The following RAD52 variants were observed in gnomAD, a reference collection of about 807,000 sequenced individuals.
RAD52 encodes the protein RAD52 DNA repair protein.
RAD52 carries 47 observed loss-of-function variants against 55.5 expected under a neutral mutation model. That is an observed-to-expected ratio of 0.85 (90% confidence interval 0.67 to 1.08). RAD52 has a LOEUF of 1.08. Among genes scored for constraint, RAD52 ranks in the 50% least tolerant of loss-of-function variants. RAD52 has a pLI of 0.00. For synonymous variants in RAD52, 184 were observed against 198.9 expected, an observed-to-expected ratio of 0.92 and a Z score of 0.63; for missense variants, 468 against 522.8, an observed-to-expected ratio of 0.90 and a Z score of 1.02.
intron 1 of RAD52, among the ~76,000 whole-genome samples, chr12:938,367 G>C (rs1483593911): frequency 1.3e-5 from 2 of 152,144 alleles, no homozygotes; most frequent in African/African-American, 2.4e-5. Flanking sequence ...AAATAGAATG[G>C]CTGGTGAACT....
In RAD52 at chr12:956,927, T is replaced by C. The variant is rs115158587; in HGVS notation, c.-18-23851A>G. On this transcript the variant is annotated intron_variant, in intron 1 of 11. Transcript: ENST00000430095. ...GAAGATTAGATGAGTTATAAGATTATAGTTATTAGATGAGATATAAAGCAC... is the reference window on the plus strand; with the variant it reads ...GAAGATTAGATGAGTTATAAGATTACAGTTATTAGATGAGATATAAAGCAC... Among the ~76,000 whole-genome samples the C allele has an allele frequency of 6.7e-3, 1,020 of 152,320 alleles. 7 individuals carry two copies. Among genetic ancestry groups the C allele is most frequent in the African/African-American group, 0.023 (970 of 41,576 alleles).
upstream of RAD52, among the ~76,000 whole-genome samples, chr12:950,394 A>G (rs1217567211): frequency 6.6e-6 from 1 of 151,544 alleles, no homozygotes; most frequent in Non-Finnish European, 1.5e-5. Context: ...ACATGGCGAA[A>G]CCCTGTCTCT....
chr12:945,564 G>A (rs1958171799), intron 1 of RAD52, among the ~76,000 whole-genome samples: 1 of 151,044 alleles, frequency 6.6e-6, no homozygotes, highest in Admixed American at 6.6e-5. Flanking sequence ...CTCCTGAGTA[G>A]CTGGAACTAC....
intron 5 of RAD52, among the ~76,000 whole-genome samples, chr12:929,177 C>T (rs1957197652): frequency 6.6e-6 from 1 of 152,016 alleles, no homozygotes; most frequent in Non-Finnish European, 1.5e-5. Flanking sequence ...AACTTTCAAC[C>T]ATAAATATGT....
intron 7 of RAD52, 123 bp from the exon 8 acceptor site, chr12:916,943 T>C: frequency 7.5e-7 from 1 of 1,335,494 alleles, no homozygotes. Context: ...TCACGCCTTC[T>C]AGGTCCTGTA....
chr12:919,741 ACT>A (rs1234161944), intron 7 of RAD52, among the ~76,000 whole-genome samples: 2 of 101,894 alleles, frequency 2.0e-5, no homozygotes, highest in Non-Finnish European at 4.0e-5. Context: ...ACAGAGCAAG[ACT>A]CTGTCTAAAA....
At chr12:984,443 C>T (rs1959059628) in intron 1 of RAD52, among the ~76,000 whole-genome samples, 1 of 152,132 alleles carries the variant, frequency 6.6e-6, no homozygotes, top group African/African-American at 2.4e-5. Flanking sequence ...GGTGATCCAC[C>T]TGCCTCAGGC....
intron 1 of RAD52, among the ~76,000 whole-genome samples, chr12:933,963 A>T (rs1957473985): frequency 6.6e-6 from 1 of 151,952 alleles, no homozygotes; most frequent in African/African-American, 2.4e-5. Context: ...CAAAAAATTT[A>T]AAAATTAGCC....
intron 11 of RAD52, 72 bp downstream of exon 11, chr12:913,822 C>A (rs927769636): frequency 3.1e-5 from 43 of 1,373,540 alleles, no homozygotes; most frequent in Non-Finnish European, 4.1e-5. Context: ...AAATGTCATC[C>A]TTCCTCAAAA....
At chr12:942,741 C>G (rs1957987219) in intron 1 of RAD52, among the ~76,000 whole-genome samples, 1 of 149,464 alleles carries the variant, frequency 6.7e-6, no homozygotes, top group Admixed American at 6.7e-5. Context: ...GAGCAAGACT[C>G]TGTCTCAAAA....
intron 1 of RAD52, among the ~76,000 whole-genome samples, chr12:959,687 G>A (rs1318659018): frequency 6.6e-6 from 1 of 152,194 alleles, no homozygotes; most frequent in Non-Finnish European, 1.5e-5. Flanking sequence ...AAATGTGCAA[G>A]AGCAAAACCT....
rs114300515 is a variant in RAD52 at position 956,918 on chromosome 12, A to G, written c.-18-23842T>C. Among the ~76,000 whole-genome samples, 1,088 of 152,330 alleles carry G rather than the reference A, an allele frequency of 7.1e-3. 15 individuals carry two copies. The highest frequency in any genetic ancestry group is 0.024 in the African/African-American group (1,009 of 41,584). ...GAGTTGTGGGAAGATTAGATGAGTT[A>G]TAAGATTATAGTTATTAGATGAGAT... On this transcript the variant is annotated intron_variant, in intron 1 of 11. Transcript: ENST00000430095.
Position 972,542 on chromosome 12 carries a change from G to T in RAD52, c.-19+17267C>A, listed in dbSNP as rs186969438. Among the ~76,000 whole-genome samples, 191 of 152,102 alleles carry T rather than the reference G, an allele frequency of 1.3e-3. 1 individual carries two copies. Among genetic ancestry groups the T allele is most frequent in the Non-Finnish European group, 1.6e-3 (109 of 67,982 alleles). On this transcript the variant is annotated intron_variant, in intron 1 of 11. Transcript: ENST00000430095. ...AGCACTTTGGGAGGCCGAGGAGGGC[G>T]GATCACGAGGTCAGGAGATCGAGAC... is the stretch of plus-strand genomic sequence containing the variant.
At chr12:929,200 A>G (rs1158708287) in intron 5 of RAD52, among the ~76,000 whole-genome samples, 1 of 152,168 alleles carries the variant, frequency 6.6e-6, no homozygotes, top group Admixed American at 6.5e-5. Context: ...TAGGATTAAA[A>G]CCAGTGGGGA....
At chr12:952,019 A>G (rs1958535386), upstream of RAD52, among the ~76,000 whole-genome samples, 1 of 152,180 alleles carries the variant, frequency 6.6e-6, no homozygotes, top group Non-Finnish European at 1.5e-5. Context: ...GCTATGGTGC[A>G]GTGGCACGGT....
intron 10 of RAD52, 39 bp downstream of exon 10, chr12:914,392 A>G (rs749359377): frequency 1.2e-5 from 19 of 1,611,134 alleles, no homozygotes; most frequent in Non-Finnish European, 1.6e-5. Flanking sequence ...TACTAGAAAC[A>G]TACAGCACAG....
At chr12:945,655 C>T (rs1304925898) in intron 1 of RAD52, among the ~76,000 whole-genome samples, 2 of 148,944 alleles carry the variant, frequency 1.3e-5, no homozygotes, top group African/African-American at 2.5e-5. Flanking sequence ...AGGCTGGTCT[C>T]GAACTCCTGA....
chr12:914,026 A>G lies in RAD52; in HGVS notation c.1063T>C (p.Ser355Pro). ...TGGTTGTTCAAGGCTAATGTGTCAG[A>G]GGTCTGGGCTGGGTCTGCTCTAGAC... ...PSSRADPAQT[S>P]DTLALNNQMV... is the part of the protein sequence containing the mutation. Residue 355 changes from serine (S) to proline (P), a missense_variant, in exon 11 of 12, where the codon TCT becomes CCT. Ser to Pro is a moderately conservative substitution (Grantham distance 74). Coordinates refer to ENST00000358495, the MANE Select transcript of RAD52 (RefSeq NM_134424.4). 6.2e-7 allele frequency: 1 copy of G among 1,614,176 alleles called. No homozygotes were observed. The highest frequency in any genetic ancestry group is 1.3e-5 in the African/African-American group (1 of 75,036).
At chr12:914,320 C>T in intron 10 of RAD52, 111 bp downstream of exon 10, 1 of 1,470,032 alleles carries the variant, frequency 6.8e-7, no homozygotes. Flanking sequence ...TCAGCCAGAA[C>T]CCCCTCAACA....
Sources: allele counts gnomAD v4.1 joint callset (sites outside exome capture counted in the v4.1 genomes callset), GRCh38; gene constraint gnomAD v4.1.1; transcripts MANE v1.5; gene names NCBI Gene and HGNC (gene_info 2026-07-23, HGNC 2026-07-21).